Variants in AGBL1 observed in about 807,000 individuals in gnomAD.
AGBL1 encodes cytosolic carboxypeptidase 4.
A neutral mutation model predicts 118.9 loss-of-function variants in AGBL1; 130 were observed. The observed-to-expected ratio is 1.09, with a 90% CI of 0.95 to 1.26. The LOEUF (loss-of-function observed/expected upper bound fraction) is 1.26. AGBL1 is among the 50% of genes most tolerant of loss of function. AGBL1 has a pLI of 0.00. For synonymous variants in AGBL1, 555 were observed against 478.9 expected (o/e 1.16, Z -2.08); for missense variants, 1,584 against 1,298.1 (o/e 1.22, Z -3.38).
At chr15:86,205,263 T>A (rs2077973404) in intron 5 of AGBL1, among the ~76,000 whole-genome samples, 1 of 152,238 alleles carries the variant, frequency 6.6e-6, no homozygotes, top group Non-Finnish European at 1.5e-5. Context: ...GGGTTCTCTG[T>A]GTCTTTTCAT....
intron 6 of AGBL1, among the ~76,000 whole-genome samples, chr15:86,225,967 A>G (rs1221918537): frequency 6.6e-6 from 1 of 152,118 alleles, no homozygotes; most frequent in African/African-American, 2.4e-5. Flanking sequence ...TTGATATGAG[A>G]TGCAAGTCCA....
At chr15:86,382,380 A>G (rs775867667) in intron 17 of AGBL1, among the ~76,000 whole-genome samples, 46 of 152,182 alleles carry the variant, frequency 3.0e-4, no homozygotes, top group Non-Finnish European at 5.3e-4. Flanking sequence ...TAAATGTGTC[A>G]CTAATATTCT....
intron 22 of AGBL1, among the ~76,000 whole-genome samples, chr15:86,687,440 A>G (rs1221352300): frequency 6.6e-6 from 1 of 152,108 alleles, no homozygotes; most frequent in Non-Finnish European, 1.5e-5. Context: ...CTACCCAAGA[A>G]CAATGGCCTC....
intron 17 of AGBL1, among the ~76,000 whole-genome samples, chr15:86,374,503 G>T (rs1036610012): frequency 2.0e-5 from 3 of 152,192 alleles, no homozygotes; most frequent in Non-Finnish European, 4.4e-5. Flanking sequence ...GGATCATTTT[G>T]ATTTATCTGC....
rs937585156 is a variant in AGBL1 at position 86,141,928 on chromosome 15, A to G, written c.52-76A>G. ...CCATGACAGGAAGTAGAGCTCTGCCATTCCATGTACATCCCTGATCATCCA... is the reference window on the plus strand; with the variant it reads ...CCATGACAGGAAGTAGAGCTCTGCCGTTCCATGTACATCCCTGATCATCCA... On this transcript the variant is annotated intron_variant, in intron 1 of 22. Transcript: ENST00000614907. The G allele has an allele frequency of 3.6e-6, 5 of 1,398,476 alleles. No homozygotes were observed. In the African/African-American group the frequency reaches 4.3e-5, roughly 12 times the overall value. 86.6% of individuals were successfully genotyped at this position (1,398,476 alleles called of 1,614,324 possible).
At position 86,262,902 on chromosome 15, in the gene AGBL1, A is replaced by G. The variant is rs1260300436; in HGVS notation, c.1086+8A>G. Reference sequence around the variant, plus strand: ...CTCTCCTATAGCTTTGAGGTAGGACATATGCTGTGGTTCTGATCTTTGACG... The same window carrying G: ...CTCTCCTATAGCTTTGAGGTAGGACGTATGCTGTGGTTCTGATCTTTGACG... On this transcript the variant is annotated splice_region_variant and intron_variant, in intron 10 of 22. Transcript: ENST00000614907. 6 of 1,583,324 alleles carry G rather than the reference A, an allele frequency of 3.8e-6. No individual in the cohort carries two copies. The Admixed American group carries it at 1.1e-4, about 28-fold the overall frequency.
In AGBL1 at chr15:86,913,681, T is replaced by C. The variant is rs1490936307; in HGVS notation, c.*6387T>C. The C allele has an allele frequency of 2.0e-5, 3 of 152,182 alleles. No individual in the cohort carries two copies. Among genetic ancestry groups the C allele is most frequent in the East Asian group, 1.9e-4 (1 of 5,162 alleles). The allele number at this position is 152,182 out of a possible 1,614,324, so 9.4% of individuals were successfully genotyped here. On this transcript the variant is annotated 3_prime_UTR_variant, in exon 23 of 23. Transcript: ENST00000614907. ...GAGTTTGAGACCAGCCTGGGCAACA[T>C]AGTTAGACCCTGAATCTACAAAAAA... is the stretch of plus-strand genomic sequence containing the variant.
chr15:86,610,253 C>T lies in AGBL1; in HGVS notation c.2994+55716C>T, dbSNP rs936721142. Among the ~76,000 whole-genome samples the T allele has an allele frequency of 1.3e-4, 20 of 152,144 alleles. No homozygotes were observed. The East Asian group carries it at 3.3e-3, about 25-fold the overall frequency. ...ATAGTTGAATGTCACTACCACCATA[C>T]TGTTGGGTTAATGCCAAACCTCCAA... On this transcript the variant is annotated intron_variant, in intron 21 of 22. Coordinates refer to ENST00000614907, the MANE Select transcript of AGBL1 (RefSeq NM_001386094.1).
rs368695778 is a variant in AGBL1 at position 86,258,048 on chromosome 15, A to G, written c.969+17A>G. 97 of 1,610,636 alleles carry G rather than the reference A, an allele frequency of 6.0e-5. 1 individual carries two copies. In the African/African-American group the frequency reaches 1.2e-3, roughly 19 times the overall value. ...AAAGTGGAAGTAGGTACACCAGCCCATGCTTCTAATGATGTCCATAGTCAC... is the reference window on the plus strand; with the variant it reads ...AAAGTGGAAGTAGGTACACCAGCCCGTGCTTCTAATGATGTCCATAGTCAC... On this transcript the variant is annotated intron_variant, in intron 9 of 22. Transcript: ENST00000614907.
chr15:86,759,293 C>G (rs1340648376), intron 22 of AGBL1, among the ~76,000 whole-genome samples: 3 of 152,128 alleles, frequency 2.0e-5, no homozygotes, highest in Non-Finnish European at 2.9e-5. Flanking sequence ...AGTCCGAGTT[C>G]TAGCATGAGA....
At chr15:86,267,405 G>A (rs1009072791) in intron 13 of AGBL1, among the ~76,000 whole-genome samples, 2 of 152,120 alleles carry the variant, frequency 1.3e-5, no homozygotes, top group African/African-American at 4.8e-5. Context: ...CGGTGTGAGA[G>A]CACTTTGACT....
intron 18 of AGBL1, among the ~76,000 whole-genome samples, chr15:86,512,502 A>AT (rs2083064352): frequency 6.6e-6 from 1 of 151,624 alleles, no homozygotes; most frequent in Admixed American, 6.6e-5. Flanking sequence ...GTGTAATCTA[A>AT]TTTTTTCCTT....
chr15:86,318,257 C>T (rs985449143), intron 17 of AGBL1, among the ~76,000 whole-genome samples: 6 of 152,024 alleles, frequency 3.9e-5, no homozygotes, highest in Non-Finnish European at 7.4e-5. Flanking sequence ...AAAATAAATA[C>T]CTATTTGCCC....
chr15:86,955,445 T>C (rs953185096), intron 23 of AGBL1, among the ~76,000 whole-genome samples: 6 of 151,676 alleles, frequency 4.0e-5, no homozygotes, highest in Admixed American at 1.3e-4. Context: ...CAACTCAAGA[T>C]GGAAGAAATA....
At chr15:86,440,082 G>A (rs2082045063) in intron 18 of AGBL1, among the ~76,000 whole-genome samples, 1 of 152,050 alleles carries the variant, frequency 6.6e-6, no homozygotes, top group South Asian at 2.1e-4. Flanking sequence ...GACTAATTTT[G>A]CACCATAATT....
chr15:86,665,224 A>C (rs1055100063), intron 21 of AGBL1, among the ~76,000 whole-genome samples: 1 of 152,148 alleles, frequency 6.6e-6, no homozygotes, highest in African/African-American at 2.4e-5. Context: ...CACATTTTGG[A>C]CTGTCTCTGT....
intron 3 of AGBL1, among the ~76,000 whole-genome samples, chr15:86,145,072 A>G (rs1250755289): frequency 6.6e-6 from 1 of 152,186 alleles, no homozygotes; most frequent in Non-Finnish European, 1.5e-5. Flanking sequence ...CTCTGCCTCC[A>G]TCTTCACGTG....
intron 22 of AGBL1, among the ~76,000 whole-genome samples, chr15:86,768,072 G>T (rs2078121876): frequency 6.6e-6 from 1 of 151,950 alleles, no homozygotes; most frequent in South Asian, 2.1e-4. Context: ...TGATCATGTT[G>T]CTTCAAGCCA....
chr15:86,792,769 C>T (rs2078514189), intron 22 of AGBL1, among the ~76,000 whole-genome samples: 1 of 152,004 alleles, frequency 6.6e-6, no homozygotes, highest in South Asian at 2.1e-4. Flanking sequence ...TGGCAAAACC[C>T]CATCTCTATT....
Sources: gnomAD v4.1 joint callset for allele counts (sites outside exome capture counted in the v4.1 genomes callset) on GRCh38, gnomAD v4.1.1 for gene constraint, MANE v1.5 for transcripts, NCBI Gene and HGNC (gene_info 2026-07-23, HGNC 2026-07-21) for gene names.